CCDC62: variants seen among roughly 807,000 people sequenced by gnomAD.
CCDC62 encodes coiled-coil domain containing 62.
CCDC62 carries 72 observed loss-of-function variants against 80.8 expected under a neutral mutation model. The ratio of observed to expected loss-of-function variants is 0.89; its 90% CI spans 0.74 to 1.08. The LOEUF is 1.08. CCDC62 is among the 50% of genes least tolerant of loss of function. CCDC62 has a pLI of 0.00. For synonymous variants in CCDC62, 286 were observed against 296.5 expected (o/e 0.96, Z 0.36); for missense variants, 704 against 809.4 (o/e 0.87, Z 1.58).
At chr12:122,807,201 T>A (rs899313215) in intron 10 of CCDC62, among the ~76,000 whole-genome samples, 13 of 152,138 alleles carry the variant, frequency 8.5e-5, no homozygotes, top group Non-Finnish European at 1.6e-4. Flanking sequence ...AGACCCTGCC[T>A]CTATTTTTTG....
At chr12:122,805,968 T>C (rs113478820) in intron 9 of CCDC62, among the ~76,000 whole-genome samples, 183 bp from the exon 10 acceptor site, 128 of 152,304 alleles carry the variant, frequency 8.4e-4, no homozygotes, top group African/African-American at 2.9e-3. Flanking sequence ...TTAATTCTTA[T>C]TTGCAAAAGG....
chr12:122,779,898 ACT>A (rs370960772), intron 2 of CCDC62, among the ~76,000 whole-genome samples: 1,203 of 98,412 alleles, frequency 0.012, 17 homozygotes, highest in African/African-American at 0.048. Context: ...ACAGAGCGAG[ACT>A]CTGTCTCAAA....
intron 7 of CCDC62, 33 bp downstream of exon 7, chr12:122,797,428 A>G (rs775004329): frequency 2.5e-6 from 3 of 1,186,660 alleles, no homozygotes; most frequent in Non-Finnish European, 2.5e-6. Context: ...CTGTCACATA[A>G]GAAATGTTTG....
chr12:122,808,296 CA>C (rs1171520206), intron 10 of CCDC62, among the ~76,000 whole-genome samples: 3 of 150,490 alleles, frequency 2.0e-5, no homozygotes, highest in East Asian at 3.9e-4. Flanking sequence ...GATTCAATCT[CA>C]AAAAAAAAGT....
In CCDC62 at chr12:122,813,206, C is replaced by T. The variant is rs568198345; in HGVS notation, c.1852-64C>T. 2.6e-5 allele frequency: 39 copies of T among 1,473,114 alleles called. No individual in the cohort carries two copies. In the South Asian group the frequency reaches 3.8e-4, roughly 14 times the overall value. 91.3% of individuals were successfully genotyped at this position (1,473,114 alleles called of 1,614,324 possible). A position where few individuals can be genotyped will look rare whatever the true frequency, so the allele number is the denominator to read the frequency against. On this transcript the variant is annotated intron_variant, in intron 10 of 12. Transcript: ENST00000253079. ...AGAAAGAAAAAAGAAAACAATATTC[C>T]TAGGTAGTTAGCATTTGTGTTTGTA...
intron 3 of CCDC62, among the ~76,000 whole-genome samples, chr12:122,782,699 C>A (rs920122164): frequency 3.3e-5 from 5 of 151,918 alleles, no homozygotes; most frequent in African/African-American, 1.2e-4. Flanking sequence ...CTCAGGTGAT[C>A]CGCCCGCCTC....
chr12:122,797,139 A>C (rs1385538432), intron 6 of CCDC62, among the ~76,000 whole-genome samples, 168 bp from the exon 7 acceptor site: 1 of 152,064 alleles, frequency 6.6e-6, no homozygotes, highest in Non-Finnish European at 1.5e-5. Context: ...CAGCCTCCCA[A>C]AGTGCTGCAA....
intron 11 of CCDC62, among the ~76,000 whole-genome samples, chr12:122,816,366 TG>T (rs1328883973): frequency 6.6e-6 from 1 of 152,200 alleles, no homozygotes; most frequent in Non-Finnish European, 1.5e-5. Context: ...CCCCTGTGTC[TG>T]GGGAGAACCT....
chr12:122,810,001 C>G (rs55650193), intron 10 of CCDC62, among the ~76,000 whole-genome samples: 16 of 152,108 alleles, frequency 1.1e-4, no homozygotes, highest in African/African-American at 3.6e-4. Context: ...TTCCTTACAC[C>G]TTATATAAAA....
chr12:122,786,442 T>C (rs2030239538), intron 4 of CCDC62, among the ~76,000 whole-genome samples: 1 of 146,470 alleles, frequency 6.8e-6, no homozygotes, highest in Admixed American at 6.7e-5. Flanking sequence ...GCCACCGCGC[T>C]CAGCCAGAGG....
rs764388687 is a variant in CCDC62 at position 122,821,553 on chromosome 12, G to A, written c.2002-1813G>A. 3.0e-4 allele frequency among the ~76,000 whole-genome samples: 45 copies of A among 152,104 alleles called. 1 individual carries two copies. Among genetic ancestry groups the A allele is most frequent in the Middle Eastern group, 6.8e-3 (2 of 294 alleles). The stretch of plus-strand genomic sequence containing the variant: ...CTGCCTCAAACTCCCAGGCTCCAGC[G>A]GTCCTCCCACTTCAGCCTCCTGAAT... On this transcript the variant is annotated intron_variant, in intron 11 of 12. Transcript: ENST00000253079.
intron 6 of CCDC62, among the ~76,000 whole-genome samples, chr12:122,795,641 G>A (rs965586181): frequency 2.0e-5 from 3 of 152,006 alleles, no homozygotes; most frequent in East Asian, 1.9e-4. Flanking sequence ...AGCCAGGATG[G>A]TCTTGATTTC....
intron 11 of CCDC62, among the ~76,000 whole-genome samples, chr12:122,814,804 G>A (rs1171630507): frequency 4.7e-5 from 7 of 148,656 alleles, no homozygotes; most frequent in East Asian, 2.0e-4. Context: ...CACCCTGCCC[G>A]GCCTAATTTT....
At chr12:122,785,927 C>T (rs191023809) in intron 4 of CCDC62, 107 bp downstream of exon 4, 10 of 736,842 alleles carry the variant, frequency 1.4e-5, no homozygotes, top group African/African-American at 1.2e-4. Flanking sequence ...AAGCTACCAA[C>T]GTTGCTCTTG....
intron 2 of CCDC62, among the ~76,000 whole-genome samples, 182 bp from the exon 3 acceptor site, chr12:122,780,982 A>G (rs908207442): frequency 3.9e-5 from 6 of 152,208 alleles, no homozygotes; most frequent in Admixed American, 1.3e-4. Context: ...GAGGCTTCCA[A>G]TTGCTCACAG....
chr12:122,826,284 A>G (rs1188329411), intron 12 of CCDC62, 138 bp from the exon 13 acceptor site: 1 of 278,374 alleles, frequency 3.6e-6, no homozygotes, highest in Non-Finnish European at 6.9e-6. Flanking sequence ...TTTCATATTT[A>G]TAGTATTTTG....
rs1475004472 is a variant in CCDC62, at chr12:122,801,582, CAGAAA to C, written c.1439_1443del (p.Glu480AlafsTer21). The C allele has an allele frequency of 1.9e-6, 3 of 1,613,970 alleles. No individual in the cohort carries two copies. The highest frequency in any genetic ancestry group is 2.2e-5 in the South Asian group (2 of 91,080). On this transcript the variant is annotated frameshift_variant, in exon 9 of 13. Transcript: ENST00000253079. LOFTEE classifies it high-confidence loss of function. ...ACCAACTGTCCAAGTTCAAAACATC[CAGAAA>C]AGCTGGATGTAGAATGTCAAGATCA...
intron 3 of CCDC62, among the ~76,000 whole-genome samples, chr12:122,782,977 G>A (rs2029959731): frequency 6.6e-6 from 1 of 150,968 alleles, no homozygotes; most frequent in South Asian, 2.1e-4. Context: ...TGTGGTGGTG[G>A]GCACCTGTAG....
chr12:122,780,039 C>T (rs1032752658), intron 2 of CCDC62, among the ~76,000 whole-genome samples: 4 of 151,022 alleles, frequency 2.6e-5, no homozygotes, highest in Admixed American at 2.6e-4. Flanking sequence ...AGGCCAGGTA[C>T]GGTGGCTCAC....
Sources: gnomAD v4.1 joint callset for allele counts (sites outside exome capture counted in the v4.1 genomes callset) on GRCh38, gnomAD v4.1.1 for gene constraint, MANE v1.5 for transcripts, NCBI Gene and HGNC (gene_info 2026-07-23, HGNC 2026-07-21) for gene names.